Variants in MED12L observed in about 807,000 individuals in gnomAD.
The protein encoded by MED12L is mediator of RNA polymerase II transcription subunit 12-like protein.
A neutral mutation model predicts 281.3 loss-of-function variants in MED12L; 60 were observed. The ratio of observed to expected loss-of-function variants is 0.21; its 90% CI spans 0.17 to 0.26. The LOEUF (loss-of-function observed/expected upper bound fraction) is 0.26, where lower values mean the gene tolerates loss of function less well. MED12L is among the 10% of genes least tolerant of loss of function. The probability of loss-of-function intolerance (pLI) is 1.00; values close to 1 mark genes in which losing one functional copy is unlikely to be tolerated. For missense variants in MED12L, 2,146 were observed against 2,680.9 expected (o/e 0.80, Z 4.41); for synonymous variants, 974 against 987.2 (o/e 0.99, Z 0.25).
intron 16 of MED12L, among the ~76,000 whole-genome samples, chr3:151,325,005 T>G (rs1247902748): frequency 6.6e-6 from 1 of 152,240 alleles, no homozygotes; most frequent in Non-Finnish European, 1.5e-5. Context: ...GTTAATTTGC[T>G]GAAGGAATAC....
intron 16 of MED12L, among the ~76,000 whole-genome samples, chr3:151,284,909 A>C (rs901352881): frequency 6.6e-6 from 1 of 152,020 alleles, no homozygotes; most frequent in Non-Finnish European, 1.5e-5. Flanking sequence ...TGCCCAGCCC[A>C]AAATTTTATA....
rs1360868742 is a variant in MED12L at position 151,435,202 on chromosome 3, A to C, written c.*2398A>C. The stretch of plus-strand genomic sequence containing the variant: ...TTAGAATAAGATGGAGCGAGACCCC[A>C]GCTCCCCTTAAAGACAAGACCTTGA... On this transcript the variant is annotated 3_prime_UTR_variant, in exon 45 of 45. Coordinates refer to ENST00000687756, the MANE Select transcript of MED12L (RefSeq NM_001393769.1). 1 of 151,694 alleles carries C rather than the reference A, an allele frequency of 6.6e-6. No homozygotes were observed. The highest frequency in any genetic ancestry group is 2.1e-4 in the South Asian group (1 of 4,802). 9.4% of individuals were successfully genotyped at this position (151,694 alleles called of 1,614,324 possible).
chr3:151,355,698 G>A (rs902669876), intron 18 of MED12L, among the ~76,000 whole-genome samples, 198 bp from the exon 19 acceptor site: 1 of 152,042 alleles, frequency 6.6e-6, no homozygotes, highest in Non-Finnish European at 1.5e-5. Flanking sequence ...ACAACTTTTT[G>A]TATTTTTTAA....
At chr3:151,298,054 T>C (rs1745340698) in intron 16 of MED12L, among the ~76,000 whole-genome samples, 1 of 152,226 alleles carries the variant, frequency 6.6e-6, no homozygotes, top group Non-Finnish European at 1.5e-5. Flanking sequence ...CTGGTTGCTC[T>C]GGAAGGCTCA....
At chr3:151,366,045 G>C in intron 23 of MED12L, 54 bp downstream of exon 23, 1 of 1,369,522 alleles carries the variant, frequency 7.3e-7, no homozygotes, top group Non-Finnish European at 9.6e-7. Flanking sequence ...TATTTAGTTA[G>C]TGGGTAATCT....
In MED12L at chr3:151,198,631, T is replaced by C. The variant is rs533481433; in HGVS notation, c.2250+4965T>C. 13 of 1,613,862 alleles carry C rather than the reference T, an allele frequency of 8.1e-6. No individual in the cohort carries two copies. The Admixed American group carries it at 2.2e-4, about 27-fold the overall frequency. On this transcript the variant is annotated intron_variant, in intron 16 of 44. Transcript: ENST00000687756. ...TCCTGGTTGAGCAATCAGTTATGAC[T>C]TCTGTCTGGCTGAGGGTATACGGGA...
At chr3:151,252,567 T>G (rs1039383456) in intron 16 of MED12L, among the ~76,000 whole-genome samples, 4 of 152,216 alleles carry the variant, frequency 2.6e-5, no homozygotes, top group African/African-American at 9.6e-5. Flanking sequence ...GCTTCCTTAA[T>G]TTTCTCTTTC....
chr3:151,114,747 CAAG>C (rs1174063943), intron 2 of MED12L, among the ~76,000 whole-genome samples: 2 of 149,924 alleles, frequency 1.3e-5, no homozygotes, highest in East Asian at 1.9e-4. Flanking sequence ...CTGGGTAGGG[CAAG>C]AAGGTTTTTT....
At chr3:151,140,120 A>G (rs547541720) in intron 5 of MED12L, among the ~76,000 whole-genome samples, 3 of 152,358 alleles carry the variant, frequency 2.0e-5, no homozygotes, top group South Asian at 2.1e-4. Flanking sequence ...TAAGCTAACT[A>G]CTTGCTTTTT....
At chr3:151,247,958 TCTTC>T (rs1398498669) in intron 16 of MED12L, among the ~76,000 whole-genome samples, 3 of 96,478 alleles carry the variant, frequency 3.1e-5, no homozygotes, top group African/African-American at 6.9e-5. Context: ...TTCTTCTTCT[TCTTC>T]TTTTTTTTTT....
chr3:151,262,798 A>G (rs987358960), intron 16 of MED12L, among the ~76,000 whole-genome samples: 4 of 152,174 alleles, frequency 2.6e-5, no homozygotes, highest in Non-Finnish European at 5.9e-5. Context: ...ATACTGTTCT[A>G]AATTCCTTAT....
At chr3:151,178,175 A>AAAG (rs1722295832) in intron 11 of MED12L, among the ~76,000 whole-genome samples, 1 of 151,166 alleles carries the variant, frequency 6.6e-6, no homozygotes, top group Non-Finnish European at 1.5e-5. Context: ...AAAAAAAAAA[A>AAAG]AAAAAAAAAG....
At chr3:151,188,664 T>G (rs1723575372) in intron 13 of MED12L, among the ~76,000 whole-genome samples, 184 bp downstream of exon 13, 1 of 152,222 alleles carries the variant, frequency 6.6e-6, no homozygotes, top group Non-Finnish European at 1.5e-5. Context: ...TTAAAATCAG[T>G]CAAGCTTCAA....
At chr3:151,393,738 G>A (rs953163025) in intron 38 of MED12L, among the ~76,000 whole-genome samples, 5 of 152,112 alleles carry the variant, frequency 3.3e-5, no homozygotes, top group Admixed American at 2.0e-4. Flanking sequence ...AAGATTTTTA[G>A]TTTCCTTTCA....
At chr3:151,165,739 T>C in intron 10 of MED12L, 107 bp from the exon 11 acceptor site, 1 of 1,215,676 alleles carries the variant, frequency 8.2e-7, no homozygotes, top group Non-Finnish European at 1.2e-6. Context: ...CCAAGAATGA[T>C]AATTAAAAAA....
chr3:151,107,950 A>G (rs552339680), intron 2 of MED12L, among the ~76,000 whole-genome samples: 1 of 152,240 alleles, frequency 6.6e-6, no homozygotes, highest in Non-Finnish European at 1.5e-5. Context: ...AAGGCTTTGA[A>G]TGCCAGTCCT....
intron 16 of MED12L, among the ~76,000 whole-genome samples, chr3:151,196,638 A>G (rs1724694488): frequency 6.6e-6 from 1 of 152,208 alleles, no homozygotes; most frequent in South Asian, 2.1e-4. Flanking sequence ...GTGGATAGGC[A>G]TTCTACAGCC....
intron 16 of MED12L, among the ~76,000 whole-genome samples, chr3:151,219,904 CCTT>C (rs1317161254): frequency 6.6e-5 from 6 of 90,472 alleles, no homozygotes; most frequent in Admixed American, 6.5e-4. Flanking sequence ...CCCCCCCCCC[CCTT>C]GGATATGGAT....
At chr3:151,121,750 C>CT (rs1440148042) in intron 3 of MED12L, among the ~76,000 whole-genome samples, 56 of 152,142 alleles carry the variant, frequency 3.7e-4, no homozygotes, top group African/African-American at 1.3e-3. Context: ...GAGTCTCACT[C>CT]TGTCATCCAG....
Sources: allele counts gnomAD v4.1 joint callset (sites outside exome capture counted in the v4.1 genomes callset), GRCh38; gene constraint gnomAD v4.1.1; transcripts MANE v1.5; gene names NCBI Gene and HGNC (gene_info 2026-07-23, HGNC 2026-07-21).